The following TMEM117 variants were observed in gnomAD, a reference collection of about 807,000 sequenced individuals.
TMEM117 encodes the protein transmembrane protein 117.
Under a neutral mutation model 52.4 loss-of-function variants are expected in TMEM117, and 27 were observed. The ratio of observed to expected loss-of-function variants is 0.51; its 90% CI spans 0.38 to 0.71. TMEM117 has a LOEUF of 0.71. Among genes scored for constraint, TMEM117 ranks in the 30% least tolerant of loss-of-function variants. The probability of loss-of-function intolerance (pLI) is 0.00; values close to 1 mark genes in which losing one functional copy is unlikely to be tolerated. For missense variants in TMEM117, 556 were observed against 630.5 expected, an observed-to-expected ratio of 0.88 and a Z score of 1.26; for synonymous variants, 215 against 206.3, an observed-to-expected ratio of 1.04 and a Z score of -0.36.
At chr12:44,182,910 C>G (rs1031942558) in intron 4 of TMEM117, among the ~76,000 whole-genome samples, 2 of 152,128 alleles carry the variant, frequency 1.3e-5, no homozygotes. Flanking sequence ...AAATAACTTT[C>G]TACATCTATT....
At chr12:44,124,941 G>A (rs902189037) in intron 3 of TMEM117, among the ~76,000 whole-genome samples, 2 of 152,084 alleles carry the variant, frequency 1.3e-5, no homozygotes, top group African/African-American at 4.8e-5. Context: ...TTAGGGAGGA[G>A]CCCCTCCTTT....
intron 5 of TMEM117, among the ~76,000 whole-genome samples, chr12:44,247,729 C>G (rs1044396220): frequency 5.9e-5 from 9 of 152,308 alleles, no homozygotes; most frequent in African/African-American, 2.2e-4. Context: ...CACCTATGCC[C>G]CAACCCCATG....
intron 2 of TMEM117, among the ~76,000 whole-genome samples, chr12:43,936,522 G>A (rs1434238821): frequency 6.6e-6 from 1 of 152,140 alleles, no homozygotes; most frequent in Non-Finnish European, 1.5e-5. Flanking sequence ...GGGAGAGGAT[G>A]AGATCATATA....
intron 3 of TMEM117, among the ~76,000 whole-genome samples, chr12:43,991,972 C>A (rs1945950003): frequency 6.6e-6 from 1 of 152,030 alleles, no homozygotes; most frequent in African/African-American, 2.4e-5. Context: ...CCAGCCTGGG[C>A]AACATGGTGA....
intron 3 of TMEM117, among the ~76,000 whole-genome samples, chr12:43,956,476 C>T (rs1250562507): frequency 1.5e-5 from 1 of 68,814 alleles, no homozygotes; most frequent in Non-Finnish European, 2.7e-5. Flanking sequence ...AAAAAGTGGG[C>T]AAAGGATATA....
chr12:44,357,167 T>C (rs1363304195), intron 6 of TMEM117, among the ~76,000 whole-genome samples: 1 of 152,148 alleles, frequency 6.6e-6, no homozygotes, highest in Non-Finnish European at 1.5e-5. Flanking sequence ...GAGAACAAAA[T>C]CACCTTCTCT....
chr12:43,855,954 A>C (rs1209700191), intron 2 of TMEM117, among the ~76,000 whole-genome samples: 2 of 152,178 alleles, frequency 1.3e-5, no homozygotes, highest in African/African-American at 4.8e-5. Flanking sequence ...TTTAGGAATA[A>C]AAAACTATTA....
chr12:44,266,969 C>G (rs1950385788), intron 5 of TMEM117, among the ~76,000 whole-genome samples: 1 of 152,008 alleles, frequency 6.6e-6, no homozygotes, highest in African/African-American at 2.4e-5. Context: ...TCTGTTTTGC[C>G]TATGTATATA....
Position 44,345,436 on chromosome 12 carries a change from T to A in TMEM117, c.769-31159T>A, listed in dbSNP as rs576538190. 2.6e-5 allele frequency among the ~76,000 whole-genome samples: 4 copies of A among 152,270 alleles called. No homozygotes were observed. In the South Asian group the frequency reaches 8.3e-4, roughly 32 times the overall value. On this transcript the variant is annotated intron_variant, in intron 6 of 7. Transcript: ENST00000266534. ...ATGGGGGAGACCTTAGGTAGGTTAC[T>A]TTACCTCTCTGAGATGAGTGCATAT...
chr12:43,872,501 A>G (rs1943723957), intron 2 of TMEM117, among the ~76,000 whole-genome samples: 1 of 152,200 alleles, frequency 6.6e-6, no homozygotes, highest in African/African-American at 2.4e-5. Flanking sequence ...TAATTTGCTC[A>G]TTTTTAGTTG....
intron 3 of TMEM117, among the ~76,000 whole-genome samples, chr12:44,050,586 C>T (rs991507366): frequency 4.6e-5 from 7 of 152,198 alleles, no homozygotes; most frequent in African/African-American, 1.7e-4. Flanking sequence ...GCTCTCTCGA[C>T]TCTGCCTCAG....
intron 6 of TMEM117, among the ~76,000 whole-genome samples, chr12:44,303,217 A>AT (rs761870630): frequency 3.2e-4 from 46 of 144,398 alleles, no homozygotes; most frequent in East Asian, 6.0e-4. Context: ...CTAATTTTGT[A>AT]TTTTTTTTTT....
At chr12:43,804,576 T>C in the TMEM117 span, 2 of 1,588,264 alleles carry the variant, frequency 1.3e-6, no homozygotes, top group Non-Finnish European at 1.7e-6. Context: ...TCACTTGCTG[T>C]GGAAAAAGAT....
chr12:44,152,685 ATAT>A lies in TMEM117; in HGVS notation c.510+9063_510+9065del, dbSNP rs1243271480. Among the ~76,000 whole-genome samples the A allele has an allele frequency of 1.4e-3, 185 of 133,438 alleles. 1 individual carries two copies. The highest frequency in any genetic ancestry group is 4.0e-3 in the African/African-American group (144 of 35,794). The allele number at this position is 133,438 out of a possible 152,430, so 87.5% of individuals were successfully genotyped here. A position where few individuals can be genotyped will look rare whatever the true frequency, so the allele number is the denominator to read the frequency against. ...ATCATATATAATTTTTATATATATA[ATAT>A]TTATATATAAATTTTTATATATACT... On this transcript the variant is annotated intron_variant, in intron 4 of 7. Coordinates refer to ENST00000266534, the MANE Select transcript of TMEM117 (RefSeq NM_032256.3).
chr12:44,268,841 C>CA (rs539494391), intron 5 of TMEM117, among the ~76,000 whole-genome samples: 16 of 152,076 alleles, frequency 1.1e-4, no homozygotes, highest in Non-Finnish European at 1.6e-4. Flanking sequence ...AAGAAATAGA[C>CA]AAGTATAGGG....
chr12:43,832,845 G>GT (rs1942990641), upstream of TMEM117, among the ~76,000 whole-genome samples: 1 of 152,182 alleles, frequency 6.6e-6, no homozygotes. Flanking sequence ...GGGATACTCC[G>GT]TGTTTAGCAG....
chr12:43,831,935 CT>C (rs1274340489), upstream of TMEM117, among the ~76,000 whole-genome samples: 2 of 152,282 alleles, frequency 1.3e-5, no homozygotes, highest in African/African-American at 4.8e-5. Flanking sequence ...GCAGGGTTGA[CT>C]TCAGATGTGG....
chr12:44,335,416 G>T (rs900982249), intron 6 of TMEM117, among the ~76,000 whole-genome samples: 1 of 151,912 alleles, frequency 6.6e-6, no homozygotes, highest in Non-Finnish European at 1.5e-5. Flanking sequence ...CACTCTCATT[G>T]CTTTTTTCTC....
intron 4 of TMEM117, among the ~76,000 whole-genome samples, chr12:44,192,625 C>CA (rs1949369468): frequency 6.6e-6 from 1 of 151,870 alleles, no homozygotes; most frequent in Non-Finnish European, 1.5e-5. Flanking sequence ...AATGTTTTTA[C>CA]AAAAAATCTG....
Sources: gnomAD v4.1 joint callset for allele counts (sites outside exome capture counted in the v4.1 genomes callset) on GRCh38, gnomAD v4.1.1 for gene constraint, MANE v1.5 for transcripts, NCBI Gene and HGNC (gene_info 2026-07-23, HGNC 2026-07-21) for gene names.